Variants in APBB2 observed in about 807,000 individuals in gnomAD.
APBB2 encodes amyloid beta precursor protein binding family B member 2.
APBB2 carries 38 observed loss-of-function variants against 82.5 expected under a neutral mutation model. That is an observed-to-expected ratio of 0.46 (90% CI 0.36 to 0.60). The LOEUF is 0.60. Ranked by LOEUF, APBB2 falls within the 20% of genes least tolerant of loss-of-function variation. The pLI, the probability that APBB2 is intolerant of heterozygous loss-of-function variation, is 0.00. For missense variants in APBB2, 772 were observed against 972.3 expected, an observed-to-expected ratio of 0.79 and a Z score of 2.74; for synonymous variants, 341 against 368.2, an observed-to-expected ratio of 0.93 and a Z score of 0.85.
chr4:41,049,365 G>T (rs2154458128), intron 4 of APBB2, among the ~76,000 whole-genome samples: 1 of 149,116 alleles, frequency 6.7e-6, no homozygotes, highest in Non-Finnish European at 1.5e-5. Context: ...GCCCCGTCCG[G>T]GAGGTGGGGG....
At chr4:41,171,876 C>A (rs1273679068) in intron 1 of APBB2, among the ~76,000 whole-genome samples, 1 of 152,084 alleles carries the variant, frequency 6.6e-6, no homozygotes, top group African/African-American at 2.4e-5. Flanking sequence ...TGGGTGGAAT[C>A]ACCTGAGGTC....
intron 5 of APBB2, among the ~76,000 whole-genome samples, chr4:41,027,796 A>G (rs1351472418): frequency 6.6e-6 from 1 of 152,256 alleles, no homozygotes; most frequent in Admixed American, 6.5e-5. Flanking sequence ...TGCCAGTAAC[A>G]ATGAGGGTTA....
At chr4:41,024,452 C>A (rs1318492271) in intron 5 of APBB2, among the ~76,000 whole-genome samples, 1 of 152,026 alleles carries the variant, frequency 6.6e-6, no homozygotes, top group African/African-American at 2.4e-5. Flanking sequence ...TATCCAGCAC[C>A]TATTGAGGGA....
chr4:41,199,822 T>C (rs1448964187), intron 1 of APBB2, among the ~76,000 whole-genome samples: 2 of 152,148 alleles, frequency 1.3e-5, no homozygotes, highest in Admixed American at 6.5e-5. Context: ...GGCAAACTTG[T>C]GCATTTGCTC....
chr4:41,041,044 C>A (rs1021981748), intron 4 of APBB2, among the ~76,000 whole-genome samples: 5 of 152,112 alleles, frequency 3.3e-5, no homozygotes, highest in Non-Finnish European at 7.4e-5. Context: ...CCACACCCGG[C>A]TGATTTTTTG....
At position 41,043,896 on chromosome 4, in the gene APBB2, T is replaced by C. The variant is rs78333905; in HGVS notation, c.-50-10592A>G. On this transcript the variant is annotated intron_variant, in intron 4 of 17. Coordinates refer to ENST00000508593, the MANE Select transcript of APBB2 (RefSeq NM_004307.2). ...AGTTATGGAGTTTCCACAGTATGAATTTTGGTGGTGCATGTTTAACTCGTT... is the reference window on the plus strand; with the variant it reads ...AGTTATGGAGTTTCCACAGTATGAACTTTGGTGGTGCATGTTTAACTCGTT... 9.8e-3 allele frequency among the ~76,000 whole-genome samples: 1,494 copies of C among 152,292 alleles called. 57 individuals carry two copies. Among genetic ancestry groups the C allele is most frequent in the Admixed American group, 0.054 (823 of 15,286 alleles).
At chr4:40,918,022 T>G (rs1051938321) in intron 10 of APBB2, among the ~76,000 whole-genome samples, 1 of 152,238 alleles carries the variant, frequency 6.6e-6, no homozygotes, top group Non-Finnish European at 1.5e-5. Context: ...TCCATGACAA[T>G]GCAATACAGC....
intron 4 of APBB2, among the ~76,000 whole-genome samples, chr4:41,041,190 A>T (rs1391402901): frequency 1.3e-5 from 2 of 152,150 alleles, no homozygotes; most frequent in African/African-American, 4.8e-5. Context: ...ACATGTGTGA[A>T]ATTTTAACTC....
chr4:41,202,280 G>A (rs1432507023), intron 1 of APBB2, among the ~76,000 whole-genome samples: 1 of 152,114 alleles, frequency 6.6e-6, no homozygotes, highest in African/African-American at 2.4e-5. Flanking sequence ...TAAATTTACT[G>A]TAGGCAATCC....
At chr4:41,047,517 C>T (rs1723869276) in intron 4 of APBB2, among the ~76,000 whole-genome samples, 1 of 152,234 alleles carries the variant, frequency 6.6e-6, no homozygotes, top group Admixed American at 6.5e-5. Flanking sequence ...GGGCTAAATA[C>T]AAAGAGTGTT....
chr4:40,943,833 T>G (rs537662930), intron 7 of APBB2, among the ~76,000 whole-genome samples: 45 of 152,300 alleles, frequency 3.0e-4, no homozygotes, highest in Admixed American at 2.5e-3. Flanking sequence ...CCCCAGCCCA[T>G]CACTTTCAAG....
intron 1 of APBB2, among the ~76,000 whole-genome samples, chr4:41,175,240 T>C (rs1769429574): frequency 2.0e-5 from 3 of 152,192 alleles, no homozygotes; most frequent in Admixed American, 2.0e-4. Flanking sequence ...ATTATTTCAC[T>C]CATAACTTTT....
chr4:41,057,379 A>C (rs1471962142), intron 4 of APBB2, among the ~76,000 whole-genome samples: 1 of 152,230 alleles, frequency 6.6e-6, no homozygotes, highest in Non-Finnish European at 1.5e-5. Context: ...TGAATTCGGG[A>C]GGCAGAGGTT....
chr4:41,110,342 C>T (rs537182652), intron 2 of APBB2, among the ~76,000 whole-genome samples: 6 of 152,274 alleles, frequency 3.9e-5, no homozygotes, highest in South Asian at 2.1e-4. Context: ...CGGTGGCTCA[C>T]GCTTATAATC....
chr4:41,161,963 T>C (rs942546230), intron 1 of APBB2, among the ~76,000 whole-genome samples: 4 of 152,134 alleles, frequency 2.6e-5, no homozygotes, highest in African/African-American at 7.2e-5. Flanking sequence ...ATGGGGAATC[T>C]TACCTTATTT....
chr4:41,112,174 G>C (rs1182489313), intron 2 of APBB2, among the ~76,000 whole-genome samples: 1 of 152,208 alleles, frequency 6.6e-6, no homozygotes, highest in Non-Finnish European at 1.5e-5. Flanking sequence ...AGCAGAATGA[G>C]GAGAGATCAT....
chr4:40,820,665 C>A (rs34160971), intron 17 of APBB2, among the ~76,000 whole-genome samples: 1 of 151,834 alleles, frequency 6.6e-6, no homozygotes, highest in Non-Finnish European at 1.5e-5. Flanking sequence ...AACTTCATCT[C>A]AATAAATAAA....
In APBB2 at chr4:40,814,955, C is replaced by G. The variant is rs1237664830; in HGVS notation, c.*1137G>C. 1.3e-5 allele frequency: 2 copies of G among 152,004 alleles called. No homozygotes were observed. Among genetic ancestry groups the G allele is most frequent in the African/African-American group, 4.8e-5 (2 of 41,364 alleles). The allele number at this position is 152,004 out of a possible 1,614,324, so 9.4% of individuals were successfully genotyped here. ...AATTCTAATATTAAATACATAAAAT[C>G]AAGGAAAGGTTCAACCTAATGTAAT... is the stretch of plus-strand genomic sequence containing the variant. On this transcript the variant is annotated 3_prime_UTR_variant, in exon 18 of 18. Transcript: ENST00000508593.
chr4:41,060,858 AG>A lies in APBB2; in HGVS notation c.-51+4717del, dbSNP rs150917795. 4.1e-3 allele frequency among the ~76,000 whole-genome samples: 631 copies of A among 152,346 alleles called. 4 individuals are homozygous for A. The highest frequency in any genetic ancestry group is 0.014 in the African/African-American group (591 of 41,568). On this transcript the variant is annotated intron_variant, in intron 4 of 17. Coordinates refer to ENST00000508593, the MANE Select transcript of APBB2 (RefSeq NM_004307.2). ...CCAAAGGCACAGGGTGTACCCTGGC[AG>A]GAGCAGCCCACACAGACTACTATAA...
Sources: gnomAD v4.1 joint callset for allele counts (sites outside exome capture counted in the v4.1 genomes callset) on GRCh38, gnomAD v4.1.1 for gene constraint, MANE v1.5 for transcripts, NCBI Gene and HGNC (gene_info 2026-07-23, HGNC 2026-07-21) for gene names.